COL25A1: variants seen among roughly 807,000 people sequenced by gnomAD.
The protein encoded by COL25A1 is collagen alpha-1(XXV) chain.
A neutral mutation model predicts 128.4 loss-of-function variants in COL25A1; 103 were observed. The observed-to-expected ratio is 0.80, with a 90% CI of 0.68 to 0.94. The LOEUF (loss-of-function observed/expected upper bound fraction) is 0.94. COL25A1 is among the 40% of genes least tolerant of loss of function. The pLI, the probability that COL25A1 is intolerant of heterozygous loss-of-function variation, is 0.00. For synonymous variants in COL25A1, 279 were observed against 277.2 expected (o/e 1.01, Z -0.06); for missense variants, 745 against 840.0 (o/e 0.89, Z 1.40).
chr4:108,925,305 G>T (rs190878197), intron 11 of COL25A1, among the ~76,000 whole-genome samples: 113 of 152,222 alleles, frequency 7.4e-4, no homozygotes, highest in Admixed American at 5.5e-3. Context: ...GCAAAGAGGG[G>T]GATATGGATT....
chr4:109,266,673 A>G (rs1191557411), intron 3 of COL25A1, among the ~76,000 whole-genome samples: 1 of 152,124 alleles, frequency 6.6e-6, no homozygotes, highest in African/African-American at 2.4e-5. Context: ...AAAAGTATTC[A>G]TTGTAGGAAG....
chr4:109,119,836 A>C (rs1286870223), intron 3 of COL25A1, among the ~76,000 whole-genome samples: 1 of 152,090 alleles, frequency 6.6e-6, no homozygotes, highest in Non-Finnish European at 1.5e-5. Context: ...AGAAGAAAAG[A>C]AAGCCTATCA....
chr4:109,277,593 A>G (rs937775159), intron 3 of COL25A1, among the ~76,000 whole-genome samples: 44 of 152,354 alleles, frequency 2.9e-4, no homozygotes, highest in African/African-American at 1.1e-3. Flanking sequence ...GTATTTTCAT[A>G]CACTTCAAAC....
chr4:109,145,118 G>A (rs1770804361), intron 3 of COL25A1, among the ~76,000 whole-genome samples: 7 of 147,434 alleles, frequency 4.7e-5, no homozygotes, highest in Admixed American at 3.4e-4. Context: ...GCCCAGGCTG[G>A]AGTGCAGTGG....
At chr4:108,971,083 A>G (rs530248145) in intron 8 of COL25A1, among the ~76,000 whole-genome samples, 1 of 152,248 alleles carries the variant, frequency 6.6e-6, no homozygotes, top group South Asian at 2.1e-4. Flanking sequence ...ATCAAGTTCT[A>G]GCTCAAGTGT....
intron 6 of COL25A1, among the ~76,000 whole-genome samples, chr4:109,002,270 T>C (rs983219320): frequency 5.3e-5 from 8 of 152,212 alleles, no homozygotes; most frequent in Non-Finnish European, 1.0e-4. Context: ...CACGTGTTCA[T>C]TGCAGCATTT....
At position 109,081,894 on chromosome 4, in the gene COL25A1, G is replaced by C. The variant is rs914069757; in HGVS notation, c.368-31715C>G. On this transcript the variant is annotated intron_variant, in intron 3 of 37. Coordinates refer to ENST00000399132, the MANE Select transcript of COL25A1 (RefSeq NM_198721.4). Reference sequence around the variant, plus strand: ...AATTTTTGTATTTTTAGTAGAGATGGGGTTTCACTATGTTAGCCAGGCTGG... The same window carrying C: ...AATTTTTGTATTTTTAGTAGAGATGCGGTTTCACTATGTTAGCCAGGCTGG... Among the ~76,000 whole-genome samples, 3 of 151,956 alleles carry C rather than the reference G, an allele frequency of 2.0e-5. No homozygotes were observed. The South Asian group carries it at 6.2e-4, about 32-fold the overall frequency.
At chr4:108,968,607 T>G (rs1035546013) in intron 8 of COL25A1, among the ~76,000 whole-genome samples, 2 of 152,106 alleles carry the variant, frequency 1.3e-5, no homozygotes, top group African/African-American at 4.8e-5. Context: ...GTGTGAGTAT[T>G]TTTAAAGACT....
chr4:109,190,070 A>T lies in COL25A1; in HGVS notation c.367+110513T>A, dbSNP rs1578396053. 5.3e-5 allele frequency among the ~76,000 whole-genome samples: 8 copies of T among 152,192 alleles called. No individual in the cohort carries two copies. In the South Asian group the frequency reaches 1.7e-3, roughly 32 times the overall value. On this transcript the variant is annotated intron_variant, in intron 3 of 37. Transcript: ENST00000399132. Reference sequence around the variant, plus strand: ...TGTTTAAGAAAATATAATCAGTGATATGAAAGAAAAGTATGATATGTCCTC... The same window carrying T: ...TGTTTAAGAAAATATAATCAGTGATTTGAAAGAAAAGTATGATATGTCCTC...
intron 3 of COL25A1, among the ~76,000 whole-genome samples, chr4:109,149,617 A>G (rs1254918736): frequency 6.6e-6 from 1 of 152,226 alleles, no homozygotes; most frequent in African/African-American, 2.4e-5. Flanking sequence ...TGCGACATGT[A>G]AACGAGTCTA....
At chr4:108,886,492 G>GTGTGTGTGTGTGTGTGTTTTTT (rs58157157) in intron 18 of COL25A1, among the ~76,000 whole-genome samples, 2 of 109,248 alleles carry the variant, frequency 1.8e-5, no homozygotes, top group East Asian at 2.5e-4. Context: ...GTGTGTGTGT[G>GTGTGTGTGTGTGTGTGTTTTTT]TTTAGCTCAT....
intron 3 of COL25A1, among the ~76,000 whole-genome samples, chr4:109,250,543 A>C (rs994746381): frequency 1.1e-3 from 171 of 152,332 alleles, no homozygotes; most frequent in African/African-American, 4.0e-3. Context: ...ACTGAGAACG[A>C]AGAGAGCCAA....
At chr4:108,955,179 G>A (rs1251812742) in intron 8 of COL25A1, among the ~76,000 whole-genome samples, 1 of 151,986 alleles carries the variant, frequency 6.6e-6, no homozygotes, top group Non-Finnish European at 1.5e-5. Context: ...CATTCTACCT[G>A]GGTGATACGG....
chr4:109,265,760 G>A (rs958372535), intron 3 of COL25A1, among the ~76,000 whole-genome samples: 2 of 152,010 alleles, frequency 1.3e-5, no homozygotes, highest in Non-Finnish European at 1.5e-5. Context: ...CTCATTATCT[G>A]CCTGCTAAAT....
intron 3 of COL25A1, among the ~76,000 whole-genome samples, chr4:109,182,633 AAG>A (rs1386437127): frequency 6.6e-6 from 1 of 152,124 alleles, no homozygotes; most frequent in Non-Finnish European, 1.5e-5. Context: ...ACGCCCAGGT[AAG>A]AGCTGAAAAC....
intron 3 of COL25A1, among the ~76,000 whole-genome samples, chr4:109,204,190 T>A (rs955184326): frequency 2.6e-5 from 4 of 152,192 alleles, no homozygotes; most frequent in Admixed American, 2.6e-4. Flanking sequence ...TCTTTTATCA[T>A]AATCATCATG....
At chr4:109,044,429 C>G (rs1284404407) in intron 5 of COL25A1, among the ~76,000 whole-genome samples, 1 of 151,198 alleles carries the variant, frequency 6.6e-6, no homozygotes, top group Non-Finnish European at 1.5e-5. Flanking sequence ...ACAGTGAGAT[C>G]TGCCATTATC....
Position 109,301,894 on chromosome 4 carries a change from T to C in COL25A1, c.126A>G (p.Ser42=), listed in dbSNP as rs747516059. 1.9e-6 allele frequency: 3 copies of C among 1,614,030 alleles called. No individual in the cohort carries two copies. The highest frequency in any genetic ancestry group is 3.3e-5 in the Admixed American group (2 of 60,006). ...PPCAVLAALL[S]VVAVVSCLYL... ...ACAGGCAAGACACCACGGCCACCAC[T>C]GACAGGAGGGCCGCCAGGACGGCAC... is the stretch of plus-strand genomic sequence containing the variant. Residue 42 remains serine (S), a synonymous_variant, in exon 2 of 38, where the codon TCA becomes TCG. Coordinates refer to ENST00000399132, the MANE Select transcript of COL25A1 (RefSeq NM_198721.4).
intron 6 of COL25A1, among the ~76,000 whole-genome samples, chr4:108,982,339 G>A (rs1322275928): frequency 3.3e-5 from 5 of 152,170 alleles, no homozygotes. Flanking sequence ...CTATCGTTAA[G>A]GAACTATTAC....
Sources: gnomAD v4.1 joint callset for allele counts (sites outside exome capture counted in the v4.1 genomes callset) on GRCh38, gnomAD v4.1.1 for gene constraint, MANE v1.5 for transcripts, NCBI Gene and HGNC (gene_info 2026-07-23, HGNC 2026-07-21) for gene names.